The following HDGFL3 variants were observed in gnomAD, a reference collection of about 807,000 sequenced individuals.
The protein encoded by HDGFL3 is HDGF like 3, also known as hepatoma-derived growth factor-related protein 3.
A neutral mutation model predicts 27.6 loss-of-function variants in HDGFL3; 6 were observed. The ratio of observed to expected loss-of-function variants is 0.22; its 90% CI spans 0.12 to 0.43. The LOEUF (loss-of-function observed/expected upper bound fraction) is 0.43. HDGFL3 is among the 20% of genes least tolerant of loss of function. The pLI is 1.00. For synonymous variants in HDGFL3, 88 were observed against 88.9 expected (o/e 0.99, Z 0.05); for missense variants, 207 against 250.1 (o/e 0.83, Z 1.16).
At chr15:83,192,376 A>T in intron 1 of HDGFL3, 1 of 444,204 alleles carries the variant, frequency 2.3e-6, no homozygotes, top group Admixed American at 2.4e-5. Flanking sequence ...TGCTAAACAA[A>T]CATTTAATTA....
At chr15:83,175,465 A>G (rs931952809) in intron 1 of HDGFL3, among the ~76,000 whole-genome samples, 1 of 152,182 alleles carries the variant, frequency 6.6e-6, no homozygotes, top group African/African-American at 2.4e-5. Context: ...TTCTGGAGTG[A>G]TTATCAAGTG....
intron 5 of HDGFL3, among the ~76,000 whole-genome samples, chr15:83,140,791 C>CT (rs2036754658): frequency 6.6e-6 from 1 of 152,116 alleles, no homozygotes; most frequent in Admixed American, 6.5e-5. Context: ...CCGAAACCTT[C>CT]TTTAACAATG....
intron 1 of HDGFL3, among the ~76,000 whole-genome samples, chr15:83,194,766 G>C (rs748655469): frequency 6.6e-6 from 1 of 152,136 alleles, no homozygotes; most frequent in South Asian, 2.1e-4. Flanking sequence ...TTTTAGTGCA[G>C]CTCCCTTCCA....
chr15:83,183,984 C>G (rs770542851), intron 1 of HDGFL3, among the ~76,000 whole-genome samples: 7 of 152,056 alleles, frequency 4.6e-5, no homozygotes, highest in Non-Finnish European at 8.8e-5. Context: ...GAAAAGAATT[C>G]ACTGCTTTAC....
downstream of HDGFL3, among the ~76,000 whole-genome samples, chr15:83,125,444 C>A (rs1015752427): frequency 6.6e-6 from 1 of 152,180 alleles, no homozygotes; most frequent in Non-Finnish European, 1.5e-5. Flanking sequence ...AACTACTTAA[C>A]CTCTTGGACT....
chr15:83,145,650 C>T (rs2036874253), intron 5 of HDGFL3, among the ~76,000 whole-genome samples: 1 of 152,154 alleles, frequency 6.6e-6, no homozygotes, highest in East Asian at 1.9e-4. Context: ...CTCCTTCCTG[C>T]AATCATCTAC....
In HDGFL3 at chr15:83,137,584, C is replaced by T. The variant is rs1267414328; in HGVS notation, c.*1686G>A. 1.3e-5 allele frequency: 2 copies of T among 152,004 alleles called. No homozygotes were observed. Among genetic ancestry groups the T allele is most frequent in the Admixed American group, 1.3e-4 (2 of 15,266 alleles). The allele number at this position is 152,004 out of a possible 1,614,324, so 9.4% of individuals were successfully genotyped here. On this transcript the variant is annotated 3_prime_UTR_variant, in exon 6 of 6. Transcript: ENST00000299633. Reference sequence around the variant, plus strand: ...ACCTTTTAAGGAAGAAGTATTAGATCGACATCCCTACTATCTTTTTATGAA... The same window carrying T: ...ACCTTTTAAGGAAGAAGTATTAGATTGACATCCCTACTATCTTTTTATGAA...
chr15:83,153,611 G>C (rs2036991305), intron 4 of HDGFL3, among the ~76,000 whole-genome samples: 2 of 151,992 alleles, frequency 1.3e-5, no homozygotes, highest in Non-Finnish European at 2.9e-5. Context: ...GTCCTAAATT[G>C]GTTATGTGTT....
Position 83,186,824 on chromosome 15 carries a change from C to T in HDGFL3, c.84+20507G>A, listed in dbSNP as rs117718360. On this transcript the variant is annotated intron_variant, in intron 1 of 5. Coordinates refer to ENST00000299633, the MANE Select transcript of HDGFL3 (RefSeq NM_016073.4). ...GGTGCACTAAAATCCCAGACTTTAC[C>T]GCAATATAATGCATCCATGTAACCA... is the stretch of plus-strand genomic sequence containing the variant. Among the ~76,000 whole-genome samples, 305 of 152,156 alleles carry T rather than the reference C, an allele frequency of 2.0e-3. 4 individuals carry two copies. In the East Asian group the frequency reaches 0.03, roughly 15 times the overall value.
chr15:83,143,536 C>G (rs528737430), intron 5 of HDGFL3, among the ~76,000 whole-genome samples: 1 of 152,214 alleles, frequency 6.6e-6, no homozygotes, highest in Admixed American at 6.5e-5. Flanking sequence ...GAGCTAAGAT[C>G]GTGCCACTGC....
chr15:83,153,791 A>G (rs1427628161), intron 4 of HDGFL3, among the ~76,000 whole-genome samples: 1 of 152,164 alleles, frequency 6.6e-6, no homozygotes, highest in Non-Finnish European at 1.5e-5. Flanking sequence ...AAATATGAAT[A>G]ATCCATAGCC....
At chr15:83,152,618 T>C (rs1475273721) in intron 4 of HDGFL3, among the ~76,000 whole-genome samples, 2 of 151,066 alleles carry the variant, frequency 1.3e-5, no homozygotes, top group African/African-American at 2.4e-5. Flanking sequence ...GGAGAATCAC[T>C]TGAACCTGGG....
chr15:83,193,190 C>T (rs545539812), intron 1 of HDGFL3, among the ~76,000 whole-genome samples: 1 of 152,288 alleles, frequency 6.6e-6, no homozygotes, highest in Non-Finnish European at 1.5e-5. Context: ...CATAGATCTC[C>T]TAAGAAGCTA....
intron 5 of HDGFL3, among the ~76,000 whole-genome samples, chr15:83,147,419 G>A (rs2036912121): frequency 1.3e-5 from 2 of 151,800 alleles, no homozygotes; most frequent in African/African-American, 2.4e-5. Context: ...TTATCATTTT[G>A]TGATCATTTC....
chr15:83,199,861 T>G (rs2037618116), intron 1 of HDGFL3, among the ~76,000 whole-genome samples: 2 of 149,446 alleles, frequency 1.3e-5, no homozygotes, highest in Non-Finnish European at 3.0e-5. Flanking sequence ...GCCTAGATAG[T>G]AAAACCCAGT....
chr15:83,186,209 T>A (rs1261148969), intron 1 of HDGFL3: 1 of 152,250 alleles, frequency 6.6e-6, no homozygotes, highest in Non-Finnish European at 1.5e-5. Flanking sequence ...TGTGTATTGT[T>A]TTAAGCCATT....
intron 1 of HDGFL3, chr15:83,185,929 G>A (rs1450269109): frequency 1.3e-5 from 2 of 152,222 alleles, no homozygotes; most frequent in Admixed American, 1.3e-4. Flanking sequence ...TCCGCTCTGA[G>A]GAAGCCAGCT....
In HDGFL3 at chr15:83,112,864, G is replaced by A. The variant is rs145491081; in HGVS notation, c.*2845C>T. On this transcript the variant is annotated 3_prime_UTR_variant, in exon 4 of 4. Coordinates refer to the HDGFL3 transcript ENST00000568294. Reference sequence around the variant, plus strand: ...GGTAGCACTGCTGGCTCGTGTCCTCGTCAAAAGAAAACCACCCCGGGACCC... The same window carrying A: ...GGTAGCACTGCTGGCTCGTGTCCTCATCAAAAGAAAACCACCCCGGGACCC... The A allele has an allele frequency of 1.9e-5, 31 of 1,613,954 alleles. No homozygotes were observed. The highest frequency in any genetic ancestry group is 8.9e-5 in the East Asian group (4 of 44,888).
chr15:83,136,367 G>C lies in HDGFL3; in HGVS notation c.*2903C>G, dbSNP rs866419524. On this transcript the variant is annotated 3_prime_UTR_variant, in exon 6 of 6. Transcript: ENST00000299633. ...GTTTGAAGGTATTTTGCCTGCAGGT[G>C]AGACTGGTTTTGAGGGCACAGAAAC... 1.3e-6 allele frequency: 1 copy of C among 781,922 alleles called. No individual in the cohort carries two copies. Among genetic ancestry groups the C allele is most frequent in the Admixed American group, 3.4e-5 (1 of 29,670 alleles). The allele number at this position is 781,922 out of a possible 1,614,324, so 48.4% of individuals were successfully genotyped here. A position where few individuals can be genotyped will look rare whatever the true frequency, so the allele number is the denominator to read the frequency against.
Sources: gnomAD v4.1 joint callset for allele counts (sites outside exome capture counted in the v4.1 genomes callset) on GRCh38, gnomAD v4.1.1 for gene constraint, MANE v1.5 for transcripts, NCBI Gene and HGNC (gene_info 2026-07-23, HGNC 2026-07-21) for gene names.